The following PARD3 variants were observed in gnomAD, a reference collection of about 807,000 sequenced individuals.
PARD3 encodes partitioning defective 3 homolog.
In PARD3, 75 loss-of-function variants were observed where a neutral mutation model predicts 155.4. The ratio of observed to expected loss-of-function variants is 0.48; its 90% CI spans 0.40 to 0.58. The LOEUF (loss-of-function observed/expected upper bound fraction) is 0.58. Ranked by LOEUF, PARD3 falls within the 20% of genes least tolerant of loss-of-function variation. The pLI is 0.00. For synonymous variants in PARD3, 576 were observed against 610.5 expected (o/e 0.94, Z 0.83); for missense variants, 1,642 against 1,721.7 (o/e 0.95, Z 0.82).
At chr10:34,620,459 T>A (rs577054800) in intron 2 of PARD3, among the ~76,000 whole-genome samples, 12 of 152,244 alleles carry the variant, frequency 7.9e-5, no homozygotes, top group Non-Finnish European at 8.8e-5. Flanking sequence ...ATAAAAGAGC[T>A]GAAGTCAACA....
intron 1 of PARD3, among the ~76,000 whole-genome samples, chr10:34,786,525 T>A (rs1326972690): frequency 6.6e-6 from 1 of 152,216 alleles, no homozygotes; most frequent in East Asian, 1.9e-4. Flanking sequence ...AACAGCCTTA[T>A]AAACAACAGT....
intron 2 of PARD3, among the ~76,000 whole-genome samples, chr10:34,667,850 T>C (rs2093524691): frequency 1.3e-5 from 2 of 152,226 alleles, no homozygotes; most frequent in Admixed American, 6.5e-5. Context: ...TAACACATCA[T>C]GCTAAGCTCC....
chr10:34,414,192 G>A (rs902317136), intron 5 of PARD3, among the ~76,000 whole-genome samples: 22 of 151,462 alleles, frequency 1.5e-4, no homozygotes, highest in Non-Finnish European at 2.5e-4. Flanking sequence ...AGCGACTCCA[G>A]CCTGGGTGAC....
At chr10:34,515,738 C>CA (rs890347330) in intron 3 of PARD3, among the ~76,000 whole-genome samples, 4 of 150,804 alleles carry the variant, frequency 2.7e-5, no homozygotes, top group African/African-American at 4.9e-5. Flanking sequence ...GCTATCAATG[C>CA]AAAAAAAGGG....
chr10:34,751,304 T>C (rs1468550712), intron 1 of PARD3, among the ~76,000 whole-genome samples: 1 of 152,146 alleles, frequency 6.6e-6, no homozygotes, highest in Non-Finnish European at 1.5e-5. Flanking sequence ...AAAATAACAA[T>C]TATCTTGATA....
At chr10:34,792,656 C>G (rs1841803121) in intron 1 of PARD3, among the ~76,000 whole-genome samples, 1 of 152,138 alleles carries the variant, frequency 6.6e-6, no homozygotes, top group African/African-American at 2.4e-5. Context: ...AAGTCGCCAC[C>G]CGCTGGAGCT....
At chr10:34,475,643 A>G (rs767576900) in intron 3 of PARD3, among the ~76,000 whole-genome samples, 147 of 152,208 alleles carry the variant, frequency 9.7e-4, no homozygotes, top group Non-Finnish European at 1.7e-3. Flanking sequence ...AGTTATGCCA[A>G]TCTTCCAAAT....
intron 7 of PARD3, among the ~76,000 whole-genome samples, chr10:34,398,118 T>C (rs1032810636): frequency 6.6e-6 from 1 of 152,218 alleles, no homozygotes; most frequent in Non-Finnish European, 1.5e-5. Flanking sequence ...GTGAATGTTA[T>C]ACCTTGTTAT....
At chr10:34,329,032 G>C (rs1835335999) in intron 19 of PARD3, among the ~76,000 whole-genome samples, 1 of 152,246 alleles carries the variant, frequency 6.6e-6, no homozygotes, top group South Asian at 2.1e-4. Flanking sequence ...ATTGTAATTT[G>C]CCTATCCATG....
intron 12 of PARD3, among the ~76,000 whole-genome samples, chr10:34,368,724 G>A (rs1381183738): frequency 6.6e-6 from 1 of 151,114 alleles, no homozygotes; most frequent in Non-Finnish European, 1.5e-5. Context: ...GAAAGTATTT[G>A]CAAAACTGGT....
At chr10:34,787,923 G>A (rs934366055) in intron 1 of PARD3, among the ~76,000 whole-genome samples, 4 of 151,716 alleles carry the variant, frequency 2.6e-5, no homozygotes, top group Admixed American at 6.6e-5. Flanking sequence ...TAGGACTGAA[G>A]GAACACAACC....
chr10:34,691,578 A>G (rs12250456), intron 2 of PARD3, among the ~76,000 whole-genome samples: 2,880 of 152,328 alleles, frequency 0.019, 94 homozygotes, highest in African/African-American at 0.066. Context: ...CAATCTTCAC[A>G]GAATTGGAAA....
chr10:34,533,500 T>A (rs181048419), intron 2 of PARD3, among the ~76,000 whole-genome samples: 1 of 152,172 alleles, frequency 6.6e-6, no homozygotes, highest in Admixed American at 6.5e-5. Context: ...AATTATAACA[T>A]GAGAATACCA....
At chr10:34,276,004 T>C (rs1048108526) in intron 21 of PARD3, among the ~76,000 whole-genome samples, 1 of 152,148 alleles carries the variant, frequency 6.6e-6, no homozygotes, top group Non-Finnish European at 1.5e-5. Flanking sequence ...CATAAATGTC[T>C]ATTGCTTTAA....
intron 22 of PARD3, among the ~76,000 whole-genome samples, chr10:34,136,533 T>C (rs908513738): frequency 1.3e-5 from 2 of 152,116 alleles, no homozygotes; most frequent in African/African-American, 2.4e-5. Context: ...GTATACACTA[T>C]GCTTCCCATA....
At chr10:34,353,728 AAAAT>A (rs1043098677) in intron 14 of PARD3, among the ~76,000 whole-genome samples, 35 of 105,970 alleles carry the variant, frequency 3.3e-4, no homozygotes, top group East Asian at 1.4e-3. Flanking sequence ...AATAAATAAA[AAAAT>A]AAATAAATAA....
At chr10:34,706,227 G>A (rs1056184025) in intron 1 of PARD3, among the ~76,000 whole-genome samples, 12 of 152,188 alleles carry the variant, frequency 7.9e-5, no homozygotes, top group Non-Finnish European at 1.5e-4. Context: ...CCTATTTTCA[G>A]AGGAGAGAAC....
chr10:34,344,126 A>G (rs1357194637), intron 15 of PARD3: 2 of 980,342 alleles, frequency 2.0e-6, no homozygotes, highest in Non-Finnish European at 2.4e-6. Context: ...TGTTTTAAAA[A>G]GAAAAATTAT....
At position 34,668,816 on chromosome 10, in the gene PARD3, T is replaced by G. The variant is rs186910725; in HGVS notation, c.222+27502A>C. Reference sequence around the variant, plus strand: ...AGCAAAACCCCGTCTCTACTAAAAATTTTTAAAAGTTTGATTTTTTTTTTT... The same window carrying G: ...AGCAAAACCCCGTCTCTACTAAAAAGTTTTAAAAGTTTGATTTTTTTTTTT... On this transcript the variant is annotated intron_variant, in intron 2 of 24. Coordinates refer to ENST00000374788, the MANE Select transcript of PARD3 (RefSeq NM_001184785.2). 1.4e-3 allele frequency among the ~76,000 whole-genome samples: 218 copies of G among 151,962 alleles called. 2 individuals are homozygous for G. Among genetic ancestry groups the G allele is most frequent in the Non-Finnish European group, 4.4e-4 (30 of 68,004 alleles).
Sources: allele counts gnomAD v4.1 joint callset (sites outside exome capture counted in the v4.1 genomes callset), GRCh38; gene constraint gnomAD v4.1.1; transcripts MANE v1.5; gene names NCBI Gene and HGNC (gene_info 2026-07-23, HGNC 2026-07-21).